NPHP3: variants seen among roughly 807,000 people sequenced by gnomAD.
NPHP3 encodes nephrocystin-3.
Under a neutral mutation model 171.9 loss-of-function variants are expected in NPHP3, and 123 were observed. The ratio of observed to expected loss-of-function variants is 0.72; its 90% CI spans 0.62 to 0.83. The LOEUF (loss-of-function observed/expected upper bound fraction) is 0.83. Ranked by LOEUF, NPHP3 falls within the 40% of genes least tolerant of loss-of-function variation. The pLI is 0.00. For missense variants in NPHP3, 1,506 were observed against 1,591.9 expected (o/e 0.95, Z 0.92); for synonymous variants, 558 against 579.2 (o/e 0.96, Z 0.52).
chr3:132,695,768 T>C (rs1560005950), intron 15 of NPHP3, among the ~76,000 whole-genome samples: 2 of 152,072 alleles, frequency 1.3e-5, no homozygotes, highest in Non-Finnish European at 2.9e-5. Context: ...ACCCCGCTTA[T>C]ACTAAAAATA....
At chr3:132,708,534 A>G (rs1344725065) in intron 6 of NPHP3, among the ~76,000 whole-genome samples, 2 of 152,236 alleles carry the variant, frequency 1.3e-5, no homozygotes, top group Admixed American at 6.5e-5. Context: ...TTTTAAACCT[A>G]AAAAAGATCT....
At chr3:132,685,895 C>A in intron 23 of NPHP3, 1 of 263,774 alleles carries the variant, frequency 3.8e-6, no homozygotes, top group Non-Finnish European at 7.5e-6. Flanking sequence ...ACTAAAAATG[C>A]AAAAAATTAG....
intron 5 of NPHP3, among the ~76,000 whole-genome samples, chr3:132,714,741 C>G (rs915251289): frequency 6.6e-6 from 1 of 151,908 alleles, no homozygotes; most frequent in African/African-American, 2.4e-5. Flanking sequence ...AACAAGCAAA[C>G]AAACACACAA....
chr3:132,692,994 G>A (rs982525168), intron 16 of NPHP3, 176 bp from the exon 17 acceptor site: 33 of 620,688 alleles, frequency 5.3e-5, no homozygotes, highest in Non-Finnish European at 8.8e-5. Flanking sequence ...AGACATTAAT[G>A]AAGATTAAGA....
intron 3 of NPHP3, among the ~76,000 whole-genome samples, chr3:132,717,752 C>CTTTTTT (rs959757847): frequency 7.4e-4 from 60 of 81,248 alleles, no homozygotes; most frequent in East Asian, 9.1e-4. Flanking sequence ...CATTAAGAAT[C>CTTTTTT]TTTTTTTTTT....
At chr3:132,682,357 T>C in intron 26 of NPHP3, 1 of 556,404 alleles carries the variant, frequency 1.8e-6, no homozygotes, top group Non-Finnish European at 3.2e-6. Flanking sequence ...AGGTATTCTC[T>C]GCATCCTGAG....
At chr3:132,687,670 T>C (rs1321073449) in intron 21 of NPHP3, among the ~76,000 whole-genome samples, 1 of 152,222 alleles carries the variant, frequency 6.6e-6, no homozygotes, top group Non-Finnish European at 1.5e-5. Flanking sequence ...CAAGTTTAAA[T>C]GTGAAATTCA....
At chr3:132,692,575 C>T in intron 17 of NPHP3, 79 bp downstream of exon 17, 1 of 1,214,154 alleles carries the variant, frequency 8.2e-7, no homozygotes, top group Non-Finnish European at 1.2e-6. Context: ...ATAATCTTGC[C>T]ACTGCACTCC....
At chr3:132,704,772 G>A (rs1560010400) in intron 8 of NPHP3, among the ~76,000 whole-genome samples, 1 of 152,066 alleles carries the variant, frequency 6.6e-6, no homozygotes, top group South Asian at 2.1e-4. Context: ...TATCTCTGTG[G>A]TCATATTCAG....
chr3:132,701,607 A>C, intron 9 of NPHP3, 74 bp from the exon 10 acceptor site: 1 of 951,232 alleles, frequency 1.1e-6, no homozygotes, highest in South Asian at 1.4e-5. Context: ...ACTTCTGATT[A>C]TTCTTTGAAA....
rs769832219 is a variant in NPHP3, at chr3:132,688,712, C to T, written c.3063G>A (p.Ala1021=). 45 of 1,613,898 alleles carry T rather than the reference C, an allele frequency of 2.8e-5. No individual in the cohort carries two copies. Among genetic ancestry groups the T allele is most frequent in the Non-Finnish European group, 3.4e-5 (40 of 1,179,974 alleles). ...GTTCACGAGCAGTATATGGATGGTC[C>T]GCACCATAAGCATTTTCTGAGATTT... is the stretch of plus-strand genomic sequence containing the variant. ...ALEISENAYG[A]DHPYTARELE... The change falls in exon 21 of 27, where the codon GCG becomes GCA. Residue 1021 remains alanine (A), a synonymous_variant. Coordinates refer to ENST00000337331, the MANE Select transcript of NPHP3 (RefSeq NM_153240.5).
intron 23 of NPHP3, 29 bp from the exon 24 acceptor site, chr3:132,684,823 A>G (rs1560000222): frequency 6.2e-7 from 1 of 1,609,340 alleles, no homozygotes; most frequent in Non-Finnish European, 8.5e-7. Context: ...AATGGCTTAA[A>G]CTATCTATTT....
chr3:132,718,078 G>C (rs778436478), intron 3 of NPHP3: 3 of 453,970 alleles, frequency 6.6e-6, no homozygotes, highest in Non-Finnish European at 1.3e-5. Context: ...TTAAAAGTTA[G>C]CAATAAAAAT....
At chr3:132,696,191 G>C (rs1423428167) in intron 15 of NPHP3, among the ~76,000 whole-genome samples, 1 of 151,792 alleles carries the variant, frequency 6.6e-6, no homozygotes, top group Admixed American at 6.6e-5. Flanking sequence ...AATAAAAGTA[G>C]TAAAACATTC....
At chr3:132,697,987 T>G (rs550257759) in intron 13 of NPHP3, among the ~76,000 whole-genome samples, 103 of 147,522 alleles carry the variant, frequency 7.0e-4, no homozygotes, top group African/African-American at 2.4e-3. Flanking sequence ...TTGCTCTACT[T>G]TTTTTTTTTT....
chr3:132,704,464 T>C (rs535773616), intron 8 of NPHP3, 93 bp from the exon 9 acceptor site: 5 of 1,278,248 alleles, frequency 3.9e-6, no homozygotes, highest in Non-Finnish European at 5.7e-6. Flanking sequence ...TCACCTACTT[T>C]TGGGAGGGCA....
At chr3:132,687,313 A>C in intron 21 of NPHP3, 87 bp from the exon 22 acceptor site, 1 of 675,630 alleles carries the variant, frequency 1.5e-6, no homozygotes, top group South Asian at 1.6e-5. Flanking sequence ...TCATAGTGTA[A>C]AGTCTTTTTG....
At position 132,697,351 on chromosome 3, in the gene NPHP3, G is replaced by A; in HGVS notation, c.1997C>T (p.Thr666Ile). 2.5e-6 allele frequency: 4 copies of A among 1,607,232 alleles called. No homozygotes were observed. Among genetic ancestry groups the A allele is most frequent in the Non-Finnish European group, 3.4e-6 (4 of 1,175,458 alleles). Residue 666 changes from threonine to isoleucine, a missense_variant, in exon 14 of 27, where the codon ACA becomes ATA. Physicochemically the swap from Thr to Ile is moderately conservative, Grantham distance 89. Transcript: ENST00000337331. ...TCPPAWRLWP[T>I]LHLDPLSPKD... ...TGGACTTAAGGGATCAAGATGAAGT[G>A]TAGGCCACAACCTTTTATGTAAAGA...
intron 3 of NPHP3, chr3:132,717,148 C>A: frequency 6.5e-6 from 3 of 460,800 alleles, no homozygotes; most frequent in South Asian, 2.7e-5. Context: ...TGAAAATAAA[C>A]AAGAATACAA....
Sources: gnomAD v4.1 joint callset for allele counts (sites outside exome capture counted in the v4.1 genomes callset) on GRCh38, gnomAD v4.1.1 for gene constraint, MANE v1.5 for transcripts, NCBI Gene and HGNC (gene_info 2026-07-23, HGNC 2026-07-21) for gene names.